The following SCAND3 variants were observed in gnomAD, a reference collection of about 807,000 sequenced individuals.
The protein encoded by SCAND3 is SCAN domain containing 3, also known as SCAN domain-containing protein 3.
chr6:28,584,366 T>A, the SCAND3 span, among the ~76,000 whole-genome samples: 1 of 145,572 alleles, frequency 6.9e-6, no homozygotes, highest in Admixed American at 6.8e-5. Flanking sequence ...TGCAATGTTT[T>A]ATTTTTTTTT....
At chr6:28,579,512 A>G in the SCAND3 span, 1 of 1,170,366 alleles carries the variant, frequency 8.5e-7, no homozygotes, top group Non-Finnish European at 1.2e-6. The surrounding 1 kb of genome is among the most constrained non-coding windows in gnomAD (Gnocchi z 4.5). Flanking sequence ...AGAATGTAAG[A>G]AGAAAATCAG....
chr6:28,572,467 T>A, the SCAND3 span: 1 of 1,613,302 alleles, frequency 6.2e-7, no homozygotes, highest in Non-Finnish European at 8.5e-7. The surrounding 1 kb of genome is among the most constrained non-coding windows in gnomAD (Gnocchi z 4.1). Flanking sequence ...TTTCCAAGCT[T>A]CTAACTTCTG....
the SCAND3 span, chr6:28,586,367 A>G: frequency 1.2e-6 from 2 of 1,614,112 alleles, no homozygotes; most frequent in East Asian, 4.5e-5. The surrounding 1 kb of genome is among the most constrained non-coding windows in gnomAD (Gnocchi z 4.4). Flanking sequence ...CTCCACTCTC[A>G]GGATTATGCT....
At chr6:28,572,532 C>CA in the SCAND3 span, 1 of 1,613,832 alleles carries the variant, frequency 6.2e-7, no homozygotes, top group African/African-American at 1.3e-5. The surrounding 1 kb of genome is among the most constrained non-coding windows in gnomAD (Gnocchi z 4.1). Context: ...TCTTCCCTTG[C>CA]ATAGAAGCAT....
the SCAND3 span, chr6:28,586,904 G>T: frequency 1.0e-5 from 6 of 583,526 alleles, no homozygotes; most frequent in Non-Finnish European, 1.5e-5. The surrounding 1 kb of genome is among the most constrained non-coding windows in gnomAD (Gnocchi z 4.4). Flanking sequence ...GCAGTTACTC[G>T]GGCAATTCCA....
the SCAND3 span, among the ~76,000 whole-genome samples, chr6:28,612,041 T>G: frequency 6.6e-6 from 1 of 151,518 alleles, no homozygotes; most frequent in Non-Finnish European, 1.5e-5. Context: ...TGTTTTTTTG[T>G]TGTTTTTTTT....
the SCAND3 span, among the ~76,000 whole-genome samples, chr6:28,577,281 T>C: frequency 6.6e-6 from 1 of 152,202 alleles, no homozygotes; most frequent in Non-Finnish European, 1.5e-5. Flanking sequence ...AAAATAATAA[T>C]TTGGAATTAG....
At chr6:28,615,555 C>T in the SCAND3 span, among the ~76,000 whole-genome samples, 3 of 147,244 alleles carry the variant, frequency 2.0e-5, no homozygotes, top group Admixed American at 2.1e-4. Context: ...GAGCCATGAT[C>T]GCGCCACTGC....
At chr6:28,586,195 C>CA in the SCAND3 span, 2 of 927,652 alleles carry the variant, frequency 2.2e-6, no homozygotes, top group Non-Finnish European at 3.3e-6. This position sits in a 1 kb window ranked among gnomAD's most constrained non-coding sequence, Gnocchi z 4.4. Context: ...AATAATGCCC[C>CA]AAACCAGGGT....
chr6:28,610,351 G>A, the SCAND3 span, among the ~76,000 whole-genome samples: 2 of 151,952 alleles, frequency 1.3e-5, no homozygotes, highest in African/African-American at 4.8e-5. Flanking sequence ...ATGAAACTCC[G>A]TCTCTACTAA....
the SCAND3 span, among the ~76,000 whole-genome samples, chr6:28,610,163 C>T: frequency 3.2e-4 from 48 of 152,004 alleles, no homozygotes; most frequent in South Asian, 6.5e-3. Flanking sequence ...AGGCTTTTTT[C>T]CCCCCAGGTT....
At chr6:28,590,279 G>T in the SCAND3 span, 1 of 152,296 alleles carries the variant, frequency 6.6e-6, no homozygotes, top group South Asian at 2.1e-4. Flanking sequence ...GGTGAAAGGA[G>T]GGGGCTCCCT....
chr6:28,609,642 T>C, the SCAND3 span, among the ~76,000 whole-genome samples: 1 of 152,208 alleles, frequency 6.6e-6, no homozygotes, highest in Non-Finnish European at 1.5e-5. Flanking sequence ...TGAAGGACTC[T>C]AGAATGGTTG....
the SCAND3 span, among the ~76,000 whole-genome samples, chr6:28,612,078 C>T: frequency 3.3e-5 from 5 of 151,754 alleles, no homozygotes; most frequent in Admixed American, 1.3e-4. Flanking sequence ...ACTCTGTTTC[C>T]CAGGCTGGAG....
the SCAND3 span, among the ~76,000 whole-genome samples, chr6:28,604,180 C>T: frequency 2.0e-5 from 3 of 152,162 alleles, no homozygotes; most frequent in African/African-American, 4.8e-5. Context: ...GCAAAGAATT[C>T]GCAGTTGTGT....
the SCAND3 span, among the ~76,000 whole-genome samples, chr6:28,582,970 T>C: frequency 6.6e-6 from 1 of 151,968 alleles, no homozygotes; most frequent in Non-Finnish European, 1.5e-5. The surrounding 1 kb of genome is among the most constrained non-coding windows in gnomAD (Gnocchi z 4.8). Context: ...ATAAAAACTC[T>C]AGTAAAAATA....
the SCAND3 span, among the ~76,000 whole-genome samples, chr6:28,599,751 A>G: frequency 6.6e-6 from 1 of 152,230 alleles, no homozygotes; most frequent in Non-Finnish European, 1.5e-5. Flanking sequence ...TGTCTTTAAC[A>G]GCAGTGTGAA....
the SCAND3 span, among the ~76,000 whole-genome samples, chr6:28,593,291 T>C: frequency 4.6e-5 from 7 of 151,160 alleles, no homozygotes; most frequent in East Asian, 1.4e-3. Flanking sequence ...CAAATGGCAA[T>C]ACATATAAAA....
chr6:28,598,876 C>CAAAAA, the SCAND3 span, among the ~76,000 whole-genome samples: 12 of 74,304 alleles, frequency 1.6e-4, no homozygotes, highest in Admixed American at 8.0e-4. Context: ...GACTATGTCT[C>CAAAAA]AAAAAAAAAA....
Sources: gnomAD v4.1 joint callset for allele counts (sites outside exome capture counted in the v4.1 genomes callset) on GRCh38, gnomAD v4.1.1 for gene constraint, Gnocchi (gnomAD v3.1) non-coding constraint, MANE v1.5 for transcripts, NCBI Gene and HGNC (gene_info 2026-07-23, HGNC 2026-07-21) for gene names.